Variants in SMYD3 observed in about 807,000 individuals in gnomAD.
SMYD3 encodes histone-lysine N-methyltransferase SMYD3.
SMYD3 carries 36 observed loss-of-function variants against 57.7 expected under a neutral mutation model. That is an observed-to-expected ratio of 0.62 (90% CI 0.48 to 0.82). The LOEUF (loss-of-function observed/expected upper bound fraction) is 0.82. Ranked by LOEUF, SMYD3 falls within the 40% of genes least tolerant of loss-of-function variation. SMYD3 has a pLI of 0.00. For synonymous variants in SMYD3, 211 were observed against 195.0 expected, an observed-to-expected ratio of 1.08 and a Z score of -0.68; for missense variants, 515 against 538.8, an observed-to-expected ratio of 0.96 and a Z score of 0.44.
At chr1:246,197,683 G>C (rs1005126050) in intron 5 of SMYD3, among the ~76,000 whole-genome samples, 10 of 152,080 alleles carry the variant, frequency 6.6e-5, no homozygotes, top group African/African-American at 2.2e-4. Flanking sequence ...CAGACACTGG[G>C]TAAAATCCAA....
At chr1:246,037,248 T>C (rs761525935) in intron 5 of SMYD3, among the ~76,000 whole-genome samples, 13 of 152,218 alleles carry the variant, frequency 8.5e-5, no homozygotes, top group Admixed American at 1.3e-4. Context: ...TGTATCTATA[T>C]AGTACCTGTT....
chr1:246,388,046 C>T (rs2066514775), intron 1 of SMYD3, among the ~76,000 whole-genome samples: 1 of 62,432 alleles, frequency 1.6e-5, no homozygotes, highest in Non-Finnish European at 3.2e-5. Flanking sequence ...TTGAAAATCA[C>T]CTCGAGGTTG....
intron 10 of SMYD3, among the ~76,000 whole-genome samples, chr1:245,797,542 GGT>G (rs1558349890): frequency 7.7e-5 from 10 of 129,476 alleles, no homozygotes; most frequent in South Asian, 2.9e-4. Flanking sequence ...GGGGGGAGGG[GGT>G]AGGATAGCAT....
intron 5 of SMYD3, among the ~76,000 whole-genome samples, chr1:246,059,764 T>A (rs1312065320): frequency 6.6e-6 from 1 of 152,172 alleles, no homozygotes; most frequent in Admixed American, 6.5e-5. Flanking sequence ...GGAGAACTAA[T>A]GAAGAAGAAA....
intron 5 of SMYD3, among the ~76,000 whole-genome samples, chr1:246,225,103 T>C (rs2063308987): frequency 6.6e-6 from 1 of 151,558 alleles, no homozygotes; most frequent in African/African-American, 2.4e-5. Context: ...AGAAATAAAT[T>C]AGAATCCTTT....
At chr1:246,026,936 T>G (rs1303118152) in intron 5 of SMYD3, among the ~76,000 whole-genome samples, 1 of 152,160 alleles carries the variant, frequency 6.6e-6, no homozygotes, top group Non-Finnish European at 1.5e-5. Context: ...TTAGCCAACT[T>G]GTAAATGCAA....
intron 5 of SMYD3, among the ~76,000 whole-genome samples, chr1:246,005,451 C>T (rs2059151817): frequency 6.6e-6 from 1 of 152,200 alleles, no homozygotes. Flanking sequence ...GGGCAACTTC[C>T]CTGAACATTG....
At chr1:246,220,298 G>C (rs984311141) in intron 5 of SMYD3, among the ~76,000 whole-genome samples, 2 of 151,168 alleles carry the variant, frequency 1.3e-5, no homozygotes, top group East Asian at 4.0e-4. Context: ...GCAGGGAGAA[G>C]ACCCCACCCG....
chr1:245,953,400 G>T, intron 5 of SMYD3: 1 of 951,120 alleles, frequency 1.1e-6, no homozygotes, highest in Non-Finnish European at 1.3e-6. Flanking sequence ...AAAGTAAACT[G>T]GCTTAAAAGT....
intron 5 of SMYD3, among the ~76,000 whole-genome samples, chr1:246,310,230 T>C (rs951807734): frequency 6.6e-6 from 1 of 150,424 alleles, no homozygotes; most frequent in Admixed American, 6.6e-5. Flanking sequence ...TGATTCTTCA[T>C]AGAGGACAAG....
chr1:246,185,829 G>A (rs147037724), intron 5 of SMYD3, among the ~76,000 whole-genome samples: 9 of 152,216 alleles, frequency 5.9e-5, no homozygotes, highest in African/African-American at 1.9e-4. Context: ...GCACACGTAT[G>A]CTAAAAATGC....
At chr1:246,014,235 T>A (rs549787835) in intron 5 of SMYD3, among the ~76,000 whole-genome samples, 8 of 152,270 alleles carry the variant, frequency 5.3e-5, no homozygotes, top group Non-Finnish European at 1.2e-4. Context: ...GGCAGGAGAA[T>A]TGCTTGAGCC....
intron 5 of SMYD3, among the ~76,000 whole-genome samples, chr1:246,063,067 T>G (rs548101162): frequency 6.6e-6 from 1 of 152,250 alleles, no homozygotes; most frequent in African/African-American, 2.4e-5. Context: ...CACCTTCAGT[T>G]TCAGTTATCT....
chr1:245,858,411 T>C, intron 10 of SMYD3, 85 bp downstream of exon 10: 1 of 1,345,792 alleles, frequency 7.4e-7, no homozygotes, highest in South Asian at 1.5e-5. Flanking sequence ...TGCAAAGTAG[T>C]AATCAGAATG....
At chr1:245,916,279 C>T (rs572308925) in intron 7 of SMYD3, among the ~76,000 whole-genome samples, 3 of 152,210 alleles carry the variant, frequency 2.0e-5, no homozygotes, top group South Asian at 2.1e-4. Flanking sequence ...TCCCCTGCCT[C>T]GGATGGTGAA....
intron 1 of SMYD3, among the ~76,000 whole-genome samples, chr1:246,373,328 GGACA>G (rs890659562): frequency 9.2e-5 from 14 of 152,118 alleles, no homozygotes; most frequent in African/African-American, 2.9e-4. Flanking sequence ...ATAGAGAGAA[GGACA>G]GACAGACAGA....
At chr1:245,895,977 G>A (rs925917447) in intron 8 of SMYD3, among the ~76,000 whole-genome samples, 1 of 152,206 alleles carries the variant, frequency 6.6e-6, no homozygotes, top group Non-Finnish European at 1.5e-5. Context: ...GAGGAAGTAG[G>A]CTTAGAATTG....
At position 245,843,261 on chromosome 1, in the gene SMYD3, C is replaced by T. The variant is rs116277784; in HGVS notation, c.1076+15235G>A. Among the ~76,000 whole-genome samples, 633 of 152,044 alleles carry T rather than the reference C, an allele frequency of 4.2e-3. 3 individuals carry two copies. Among genetic ancestry groups the T allele is most frequent in the African/African-American group, 0.014 (591 of 41,472 alleles). The stretch of plus-strand genomic sequence containing the variant: ...CCCACTGGGGTAGACAGGATGTGGA[C>T]GAGTAAAGCCAGCCTGGTGGGGAAC... On this transcript the variant is annotated intron_variant, in intron 10 of 11. Transcript: ENST00000490107.
At chr1:245,931,946 A>C (rs576695125) in intron 5 of SMYD3, among the ~76,000 whole-genome samples, 1 of 152,346 alleles carries the variant, frequency 6.6e-6, no homozygotes, top group South Asian at 2.1e-4. Flanking sequence ...AAATTGCTTT[A>C]AGGACAACTA....
Sources: allele counts gnomAD v4.1 joint callset (sites outside exome capture counted in the v4.1 genomes callset), GRCh38; gene constraint gnomAD v4.1.1; transcripts MANE v1.5; gene names NCBI Gene and HGNC (gene_info 2026-07-23, HGNC 2026-07-21).